The following POR variants were observed in gnomAD, a reference collection of about 807,000 sequenced individuals.
The protein encoded by POR is NADPH--cytochrome P450 reductase.
A neutral mutation model predicts 84.0 loss-of-function variants in POR; 56 were observed. The observed-to-expected ratio is 0.67, with a 90% CI of 0.54 to 0.83. POR has a LOEUF of 0.83. POR is among the 40% of genes least tolerant of loss of function. The pLI is 0.00. For missense variants in POR, 938 were observed against 944.3 expected (o/e 0.99, Z 0.09); for synonymous variants, 414 against 400.5 (o/e 1.03, Z -0.40).
At chr7:75,917,597 A>T (rs1352526063) in intron 1 of POR, among the ~76,000 whole-genome samples, 1 of 152,050 alleles carries the variant, frequency 6.6e-6, no homozygotes, top group Non-Finnish European at 1.5e-5. Context: ...CTCACTTAAA[A>T]ATTAAAGTTA....
chr7:75,925,321 AAGAG>A (rs142191341), intron 1 of POR, among the ~76,000 whole-genome samples: 4 of 150,320 alleles, frequency 2.7e-5, no homozygotes, highest in Non-Finnish European at 5.9e-5. Flanking sequence ...CAGCCTGGGC[AAGAG>A]AGAGAGAGAG....
rs140101790 is a variant in POR at position 75,937,784 on chromosome 7, A to G, written c.-4-16205A>G. 1.8e-3 allele frequency among the ~76,000 whole-genome samples: 268 copies of G among 152,262 alleles called. 13 individuals are homozygous for G. The South Asian group carries it at 0.05, about 28-fold the overall frequency. ...GCGACAAGAGCAAAACTCCATCTAA[A>G]AAAAAAAACAATTGAGGCAAAAGTG... On this transcript the variant is annotated intron_variant, in intron 1 of 15. Coordinates refer to ENST00000461988, the MANE Select transcript of POR (RefSeq NM_000941.3).
chr7:75,965,627 T>C (rs1216326139), intron 2 of POR, among the ~76,000 whole-genome samples: 1 of 152,164 alleles, frequency 6.6e-6, no homozygotes, highest in African/African-American at 2.4e-5. Flanking sequence ...TGAATAACCC[T>C]GAGTTTCTCT....
chr7:75,972,535 C>G, intron 3 of POR, 74 bp downstream of exon 3: 1 of 1,380,978 alleles, frequency 7.2e-7, no homozygotes, highest in Non-Finnish European at 1.0e-6. Flanking sequence ...GTCTAGCAGA[C>G]GGCTGGCGTC....
intron 2 of POR, among the ~76,000 whole-genome samples, chr7:75,960,064 G>GCAAA (rs1787869736): frequency 6.6e-6 from 1 of 152,042 alleles, no homozygotes; most frequent in Non-Finnish European, 1.5e-5. Context: ...CGAGGCAGGT[G>GCAAA]GATTGCTTTG....
At chr7:75,935,050 C>T (rs1160694565) in intron 1 of POR, among the ~76,000 whole-genome samples, 1 of 152,144 alleles carries the variant, frequency 6.6e-6, no homozygotes, top group Non-Finnish European at 1.5e-5. Context: ...ATGGTAGATC[C>T]ACCAGCATCT....
At chr7:75,968,254 C>T (rs1554555627) in intron 2 of POR, 6 of 467,646 alleles carry the variant, frequency 1.3e-5, no homozygotes, top group East Asian at 1.4e-4. Context: ...CCTGAAGATG[C>T]GGCTGCCTGG....
chr7:75,935,619 T>TGTG (rs1807632596), intron 1 of POR, among the ~76,000 whole-genome samples: 2 of 131,286 alleles, frequency 1.5e-5, no homozygotes, highest in Non-Finnish European at 3.3e-5. Context: ...TGCTCGGGGC[T>TGTG]TGTGTGTGTG....
intron 1 of POR, among the ~76,000 whole-genome samples, chr7:75,935,884 C>T (rs1484971467): frequency 1.3e-5 from 2 of 151,672 alleles, no homozygotes; most frequent in Non-Finnish European, 2.9e-5. Context: ...CCCCCAATAG[C>T]GCATTCTATG....
At chr7:75,966,329 G>A (rs10954723) in intron 2 of POR, among the ~76,000 whole-genome samples, 98,973 of 152,028 alleles carry the variant, frequency 0.65, 32,559 homozygotes, top group South Asian at 0.75. Context: ...GCTTCTGTCT[G>A]AGCTCCAGCA....
intron 8 of POR, among the ~76,000 whole-genome samples, chr7:75,982,573 G>C (rs868925941): frequency 6.6e-6 from 1 of 152,174 alleles, no homozygotes; most frequent in Non-Finnish European, 1.5e-5. Context: ...CCCACTTCTC[G>C]ACTAGGACAG....
At chr7:75,938,172 C>G (rs1554551096) in intron 1 of POR, among the ~76,000 whole-genome samples, 1 of 152,214 alleles carries the variant, frequency 6.6e-6, no homozygotes, top group African/African-American at 2.4e-5. Flanking sequence ...CGGGCACATG[C>G]TGGTCATGTG....
intron 3 of POR, among the ~76,000 whole-genome samples, chr7:75,974,522 T>C (rs1197706232): frequency 7.2e-6 from 1 of 139,548 alleles, no homozygotes; most frequent in Non-Finnish European, 1.5e-5. Context: ...CTTTTTTCTT[T>C]TCTTTTTTTT....
chr7:75,984,427 G>A (rs1384707041), intron 10 of POR, among the ~76,000 whole-genome samples: 2 of 152,198 alleles, frequency 1.3e-5, no homozygotes, highest in East Asian at 1.9e-4. Context: ...GCCATGCCAG[G>A]GCTGCCCTTA....
At chr7:75,984,396 C>G (rs1022410895) in intron 10 of POR, among the ~76,000 whole-genome samples, 2 of 152,214 alleles carry the variant, frequency 1.3e-5, no homozygotes, top group African/African-American at 4.8e-5. Context: ...TCGCCCCACC[C>G]CTGCTTGCCG....
intron 1 of POR, chr7:75,922,748 T>G: frequency 2.3e-6 from 1 of 429,592 alleles, no homozygotes; most frequent in South Asian, 2.3e-5. Context: ...GCTGCAACAC[T>G]AGAAAGATGG....
chr7:75,985,837 C>T lies in POR; in HGVS notation c.1657C>T (p.Leu553=). Residue 553 remains leucine, a synonymous_variant, in exon 13 of 16, where the codon CTG becomes TTG. Coordinates refer to ENST00000461988, the MANE Select transcript of POR (RefSeq NM_000941.3). ...AGGCTTCATCCAGGAGCGGGCCTGGCTGCGACAGCAGGGTGAGTGGGGTCC... is the reference window on the plus strand; with the variant it reads ...AGGCTTCATCCAGGAGCGGGCCTGGTTGCGACAGCAGGGTGAGTGGGGTCC... The T allele has an allele frequency of 6.5e-7, 1 of 1,550,282 alleles. No individual in the cohort carries two copies. The highest frequency in any genetic ancestry group is 2.4e-5 in the East Asian group (1 of 42,064).
intron 1 of POR, among the ~76,000 whole-genome samples, chr7:75,917,876 A>G (rs1554548256): frequency 6.6e-6 from 1 of 152,168 alleles, no homozygotes; most frequent in Non-Finnish European, 1.5e-5. Flanking sequence ...TCAAATGCCA[A>G]TTCTAGGCTG....
At chr7:75,964,984 TC>T (rs1554555037) in intron 2 of POR, among the ~76,000 whole-genome samples, 1 of 152,114 alleles carries the variant, frequency 6.6e-6, no homozygotes, top group African/African-American at 2.4e-5. Flanking sequence ...GCCACTGCAC[TC>T]CAGCCTGGGC....
Sources: gnomAD v4.1 joint callset for allele counts (sites outside exome capture counted in the v4.1 genomes callset) on GRCh38, gnomAD v4.1.1 for gene constraint, MANE v1.5 for transcripts, NCBI Gene and HGNC (gene_info 2026-07-23, HGNC 2026-07-21) for gene names.